The following DESI2 variants were observed in gnomAD, a reference collection of about 807,000 sequenced individuals.
The protein encoded by DESI2 is desumoylating isopeptidase 2.
DESI2 carries 10 observed loss-of-function variants against 24.1 expected under a neutral mutation model. The ratio of observed to expected loss-of-function variants is 0.41; its 90% CI spans 0.26 to 0.70. DESI2 has a LOEUF of 0.70. Among genes scored for constraint, DESI2 ranks in the 30% least tolerant of loss-of-function variants. The probability of loss-of-function intolerance (pLI) is 0.29; values close to 1 mark genes in which losing one functional copy is unlikely to be tolerated. For synonymous variants in DESI2, 71 were observed against 87.7 expected (o/e 0.81, Z 1.06); for missense variants, 122 against 234.9 (o/e 0.52, Z 3.14).
chr1:244,673,817 A>G (rs1050018210), intron 1 of DESI2, among the ~76,000 whole-genome samples: 2 of 152,182 alleles, frequency 1.3e-5, no homozygotes, highest in African/African-American at 2.4e-5. Flanking sequence ...AAACTTTGTT[A>G]TAATGCCGAA....
At chr1:244,670,119 G>C (rs1413633853) in intron 1 of DESI2, among the ~76,000 whole-genome samples, 1 of 152,116 alleles carries the variant, frequency 6.6e-6, no homozygotes, top group Non-Finnish European at 1.5e-5. Context: ...ACCACACCCA[G>C]CTAATTTTTG....
intron 4 of DESI2, among the ~76,000 whole-genome samples, chr1:244,693,650 C>T (rs192494166): frequency 1.0e-3 from 152 of 152,210 alleles, no homozygotes; most frequent in African/African-American, 2.8e-3. Context: ...AGGCTGGTCT[C>T]GAACTCCTGA....
At chr1:244,659,191 G>T (rs138124349) in intron 1 of DESI2, among the ~76,000 whole-genome samples, 1 of 151,428 alleles carries the variant, frequency 6.6e-6, no homozygotes, top group Non-Finnish European at 1.5e-5. Context: ...TCTTTTTTAG[G>T]GGGGAAGGGG....
chr1:244,708,846 C>G lies in DESI2; in HGVS notation c.*3057C>G, dbSNP rs371284615. 2 of 152,584 alleles carry G rather than the reference C, an allele frequency of 1.3e-5. No individual in the cohort carries two copies. The highest frequency in any genetic ancestry group is 2.4e-5 in the African/African-American group (1 of 41,436). The allele number at this position is 152,584 out of a possible 1,614,324, so 9.5% of individuals were successfully genotyped here. Reference sequence around the variant, plus strand: ...CATCTTTACTGTTTGAAAAGTGTTACAGCTGTCAAAGAATCTTCATGGACC... The same window carrying G: ...CATCTTTACTGTTTGAAAAGTGTTAGAGCTGTCAAAGAATCTTCATGGACC... On this transcript the variant is annotated 3_prime_UTR_variant, in exon 5 of 5. Transcript: ENST00000302550.
At chr1:244,679,498 T>C (rs901806373) in intron 1 of DESI2, among the ~76,000 whole-genome samples, 1 of 152,234 alleles carries the variant, frequency 6.6e-6, no homozygotes, top group Non-Finnish European at 1.5e-5. Context: ...TCCTACACTC[T>C]GTCACACACA....
At chr1:244,679,851 A>G in intron 1 of DESI2, among the ~76,000 whole-genome samples, 1 of 122,002 alleles carries the variant, frequency 8.2e-6, no homozygotes, top group Non-Finnish European at 1.6e-5. Flanking sequence ...TGGGTGACAG[A>G]GTGAGAGACT....
intron 1 of DESI2, among the ~76,000 whole-genome samples, chr1:244,665,587 C>G (rs1326022137): frequency 3.9e-5 from 6 of 152,120 alleles, no homozygotes; most frequent in Admixed American, 3.9e-4. Flanking sequence ...TAGTCAGACA[C>G]CAGTCTAGAT....
chr1:244,674,771 A>C (rs1676360762), intron 1 of DESI2, among the ~76,000 whole-genome samples: 1 of 152,236 alleles, frequency 6.6e-6, no homozygotes, highest in Non-Finnish European at 1.5e-5. Flanking sequence ...GTTGATAAAC[A>C]TGTAGTTGTT....
chr1:244,663,935 G>A (rs892688271), intron 1 of DESI2, among the ~76,000 whole-genome samples: 2 of 150,080 alleles, frequency 1.3e-5, no homozygotes, highest in Admixed American at 6.7e-5. Flanking sequence ...GGAGAATGGC[G>A]TGAACCTGGG....
intron 4 of DESI2, among the ~76,000 whole-genome samples, chr1:244,703,279 G>T (rs1677549869): frequency 6.6e-6 from 1 of 152,092 alleles, no homozygotes; most frequent in Non-Finnish European, 1.5e-5. Flanking sequence ...TGGGATTACA[G>T]GCATAAGATA....
intron 4 of DESI2, among the ~76,000 whole-genome samples, chr1:244,704,937 T>G (rs1334848578): frequency 2.1e-4 from 32 of 152,260 alleles, no homozygotes; most frequent in Non-Finnish European, 2.9e-5. Flanking sequence ...GTATTACAGG[T>G]GTGAGCCACC....
At chr1:244,704,324 CAA>C (rs1037594447) in intron 4 of DESI2, among the ~76,000 whole-genome samples, 1 of 152,078 alleles carries the variant, frequency 6.6e-6, no homozygotes, top group Non-Finnish European at 1.5e-5. Context: ...GCAAAAACAA[CAA>C]AGTGGCAGTG....
At chr1:244,699,153 A>G (rs1328211763) in intron 4 of DESI2, among the ~76,000 whole-genome samples, 7 of 152,200 alleles carry the variant, frequency 4.6e-5, no homozygotes, top group Admixed American at 2.0e-4. Context: ...GAATGATGCT[A>G]TAGGCCACTT....
At chr1:244,654,025 G>A (rs776410913) in intron 1 of DESI2, 8 of 470,986 alleles carry the variant, frequency 1.7e-5, no homozygotes, top group African/African-American at 1.4e-4. Context: ...CCACTTTCCA[G>A]GTGATGCAAC....
At chr1:244,683,832 T>G (rs1414184643) in intron 1 of DESI2, among the ~76,000 whole-genome samples, 1 of 151,622 alleles carries the variant, frequency 6.6e-6, no homozygotes, top group African/African-American at 2.4e-5. Flanking sequence ...TTCTCCCACC[T>G]CAGCCTCCCA....
At chr1:244,690,081 T>A (rs113438409) in intron 3 of DESI2, among the ~76,000 whole-genome samples, 23 of 152,356 alleles carry the variant, frequency 1.5e-4, no homozygotes, top group African/African-American at 4.8e-4. Context: ...TAATTTTTTT[T>A]ATTTATACTT....
At chr1:244,667,102 TC>T (rs1676073903) in intron 1 of DESI2, among the ~76,000 whole-genome samples, 1 of 152,096 alleles carries the variant, frequency 6.6e-6, no homozygotes, top group Admixed American at 6.6e-5. Context: ...CCACCCCTGG[TC>T]CCTCCAAATC....
intron 1 of DESI2, among the ~76,000 whole-genome samples, chr1:244,666,344 A>G (rs1049445402): frequency 3.9e-5 from 6 of 152,104 alleles, no homozygotes; most frequent in African/African-American, 1.2e-4. Flanking sequence ...TCTCCTATCT[A>G]TACAAGGACT....
chr1:244,693,141 C>T (rs886258164), intron 4 of DESI2, among the ~76,000 whole-genome samples: 3 of 152,106 alleles, frequency 2.0e-5, no homozygotes, highest in Non-Finnish European at 4.4e-5. Context: ...GAAACAGACC[C>T]CAATTGGGAA....
Sources: allele counts gnomAD v4.1 joint callset (sites outside exome capture counted in the v4.1 genomes callset), GRCh38; gene constraint gnomAD v4.1.1; transcripts MANE v1.5; gene names NCBI Gene and HGNC (gene_info 2026-07-23, HGNC 2026-07-21).